Variants in VRK2 observed in about 807,000 individuals in gnomAD.
VRK2 encodes VRK serine/threonine kinase 2, also known as serine/threonine-protein kinase VRK2.
In VRK2, 60 loss-of-function variants were observed where a neutral mutation model predicts 57.6. The observed-to-expected ratio is 1.04, with a 90% CI of 0.85 to 1.29. VRK2 has a LOEUF of 1.29. VRK2 is among the 50% of genes most tolerant of loss of function. The pLI, the probability that VRK2 is intolerant of heterozygous loss-of-function variation, is 0.00. For missense variants in VRK2, 705 were observed against 588.1 expected (o/e 1.20, Z -2.06); for synonymous variants, 231 against 199.2 (o/e 1.16, Z -1.35).
At chr2:57,946,616 T>C (rs966200476) in intron 1 of VRK2, among the ~76,000 whole-genome samples, 3 of 152,182 alleles carry the variant, frequency 2.0e-5, no homozygotes, top group Non-Finnish European at 4.4e-5. Flanking sequence ...ATCAATCAAT[T>C]GGTATTTCAT....
intron 1 of VRK2, among the ~76,000 whole-genome samples, chr2:57,999,155 C>T (rs1384027802): frequency 6.6e-6 from 1 of 152,134 alleles, no homozygotes; most frequent in Admixed American, 6.5e-5. Context: ...TAGCCAAACA[C>T]CTCCATCTTA....
intron 11 of VRK2, among the ~76,000 whole-genome samples, chr2:58,142,294 A>T (rs1242236954): frequency 6.6e-6 from 1 of 151,784 alleles, no homozygotes; most frequent in Non-Finnish European, 1.5e-5. Flanking sequence ...AATCTCACCA[A>T]ACTTACATCA....
chr2:57,943,937 G>A (rs1671175482), intron 1 of VRK2, among the ~76,000 whole-genome samples: 1 of 152,200 alleles, frequency 6.6e-6, no homozygotes, highest in South Asian at 2.1e-4. Flanking sequence ...CAAAACAGCA[G>A]CCATAGACAA....
chr2:57,966,906 A>G (rs770119492), intron 1 of VRK2, among the ~76,000 whole-genome samples: 45 of 152,206 alleles, frequency 3.0e-4, no homozygotes, highest in Non-Finnish European at 5.0e-4. Context: ...AATGGTTAGT[A>G]GTGAACCAGA....
chr2:58,082,322 C>T (rs1235220424), intron 2 of VRK2, among the ~76,000 whole-genome samples: 1 of 151,590 alleles, frequency 6.6e-6, no homozygotes, highest in Non-Finnish European at 1.5e-5. Context: ...TTTTGAAACT[C>T]CCAATTTTCT....
At chr2:58,079,453 T>A (rs1243194174) in intron 2 of VRK2, among the ~76,000 whole-genome samples, 3 of 152,130 alleles carry the variant, frequency 2.0e-5, no homozygotes, top group Non-Finnish European at 4.4e-5. Context: ...TACTGTGACA[T>A]TTGCCAAATG....
At chr2:58,117,924 G>C (rs1292938134) in intron 7 of VRK2, among the ~76,000 whole-genome samples, 1 of 152,098 alleles carries the variant, frequency 6.6e-6, no homozygotes, top group Admixed American at 6.5e-5. Context: ...GAAGGGGTAG[G>C]GGTTCCTTGC....
At chr2:58,093,748 G>C (rs1419509980) in intron 7 of VRK2, among the ~76,000 whole-genome samples, 5 of 152,166 alleles carry the variant, frequency 3.3e-5, no homozygotes, top group East Asian at 1.9e-4. Flanking sequence ...CCATGCCTGT[G>C]TCCTGAATGG....
At chr2:58,135,056 C>T in intron 9 of VRK2, 85 bp from the exon 10 acceptor site, 1 of 1,448,354 alleles carries the variant, frequency 6.9e-7, no homozygotes. Context: ...GGTGACCTAC[C>T]AACACATAGA....
chr2:58,047,485 G>A (rs995989582), intron 1 of VRK2: 4 of 985,200 alleles, frequency 4.1e-6, no homozygotes, highest in African/African-American at 1.7e-5. Flanking sequence ...ATTTCGTAGA[G>A]TCTCCCTTAC....
intron 2 of VRK2, among the ~76,000 whole-genome samples, chr2:58,058,785 G>T (rs916322911): frequency 6.6e-6 from 1 of 151,976 alleles, no homozygotes; most frequent in African/African-American, 2.4e-5. Flanking sequence ...CCTCTCAGCA[G>T]CTTAACTAAG....
In VRK2 at chr2:57,991,914, C is replaced by T. The variant is rs111997760; in HGVS notation, c.-438-33751C>T. Among the ~76,000 whole-genome samples, 240 of 150,382 alleles carry T rather than the reference C, an allele frequency of 1.6e-3. 2 individuals carry two copies. The highest frequency in any genetic ancestry group is 5.5e-3 in the African/African-American group (226 of 40,880). ...CGGAGGTTGCAGTGAGCCGAGATCG[C>T]GCCACTGCACTCCAGCCTGGCGACA... On this transcript the variant is annotated intron_variant, in intron 1 of 15. Coordinates refer to the VRK2 transcript ENST00000417641.
intron 2 of VRK2, among the ~76,000 whole-genome samples, chr2:58,064,921 C>T (rs968518878): frequency 6.6e-6 from 1 of 151,922 alleles, no homozygotes; most frequent in African/African-American, 2.4e-5. Context: ...ACCAGTATCA[C>T]TTTGCTTGTT....
chr2:57,920,075 T>A (rs1331284035), intron 1 of VRK2, among the ~76,000 whole-genome samples: 1 of 152,134 alleles, frequency 6.6e-6, no homozygotes, highest in Non-Finnish European at 1.5e-5. Flanking sequence ...GAATCTATCA[T>A]GAATACAAAA....
At chr2:58,125,145 T>C (rs1220073735) in intron 8 of VRK2, among the ~76,000 whole-genome samples, 2 of 152,152 alleles carry the variant, frequency 1.3e-5, no homozygotes, top group East Asian at 1.9e-4. Context: ...TACCAACTTA[T>C]GTTTGAGTCA....
chr2:57,909,722 ATAT>A lies in VRK2; in HGVS notation c.-439+1886_-439+1888del, dbSNP rs1265072950. Among the ~76,000 whole-genome samples, 3 of 152,166 alleles carry A rather than the reference ATAT, an allele frequency of 2.0e-5. 1 individual carries two copies. The highest frequency in any genetic ancestry group is 2.0e-4 in the Admixed American group (3 of 15,272). On this transcript the variant is annotated intron_variant, in intron 1 of 15. Coordinates refer to the VRK2 transcript ENST00000417641. ...AATTTGCTATTTAGCAATGCCTGAA[ATAT>A]TAATAATTTGTTTAATAAATTCCTT...
chr2:57,951,876 T>C, intron 1 of VRK2, among the ~76,000 whole-genome samples: 1 of 151,876 alleles, frequency 6.6e-6, no homozygotes, highest in Non-Finnish European at 1.5e-5. Flanking sequence ...CCTGAGTAGT[T>C]TAAACTACAG....
chr2:58,151,725 A>T (rs1004821386), intron 12 of VRK2, among the ~76,000 whole-genome samples: 2 of 7,140 alleles, frequency 2.8e-4, no homozygotes, highest in Admixed American at 1.8e-3. Flanking sequence ...CTATGCTTCT[A>T]TGCTTGTTTT....
intron 1 of VRK2, chr2:58,047,357 C>T (rs756252998): frequency 3.3e-6 from 3 of 922,888 alleles, no homozygotes; most frequent in Non-Finnish European, 3.9e-6. Context: ...GTGTTGAGGA[C>T]TCATCTTAGC....
Sources: allele counts gnomAD v4.1 joint callset (sites outside exome capture counted in the v4.1 genomes callset), GRCh38; gene constraint gnomAD v4.1.1; transcripts MANE v1.5; gene names NCBI Gene and HGNC (gene_info 2026-07-23, HGNC 2026-07-21).